Variants in DOCK8 observed in about 807,000 individuals in gnomAD.
DOCK8 encodes dedicator of cytokinesis 8.
In DOCK8, 141 loss-of-function variants were observed where a neutral mutation model predicts 245.6. The ratio of observed to expected loss-of-function variants is 0.57; its 90% CI spans 0.50 to 0.66. The LOEUF is 0.66. Among genes scored for constraint, DOCK8 ranks in the 30% least tolerant of loss-of-function variants. The pLI, the probability that DOCK8 is intolerant of heterozygous loss-of-function variation, is 0.00. For synonymous variants in DOCK8, 1,168 were observed against 970.2 expected, an observed-to-expected ratio of 1.20 and a Z score of -3.79; for missense variants, 2,965 against 2,603.4, an observed-to-expected ratio of 1.14 and a Z score of -3.02.
chr9:300,274 T>C (rs1586638151), intron 4 of DOCK8, among the ~76,000 whole-genome samples: 1 of 152,198 alleles, frequency 6.6e-6, no homozygotes, highest in African/African-American at 2.4e-5. Context: ...AGTTATAAAC[T>C]TTGTATTTGT....
chr9:351,373 C>T (rs2052159369), intron 14 of DOCK8, among the ~76,000 whole-genome samples: 2 of 152,188 alleles, frequency 1.3e-5, no homozygotes, highest in African/African-American at 4.8e-5. Context: ...CAACACAAAT[C>T]ATGGCTGGAA....
chr9:428,421 G>A lies in DOCK8; in HGVS notation c.4398G>A (p.Val1466=), dbSNP rs2056579702. 3 of 1,614,204 alleles carry A rather than the reference G, an allele frequency of 1.9e-6. No individual in the cohort carries two copies. The highest frequency in any genetic ancestry group is 1.1e-5 in the South Asian group (1 of 91,080). The change falls in exon 35 of 48, where the codon GTG becomes GTA. Residue 1466 remains valine (V), a synonymous_variant. Coordinates refer to ENST00000432829, the MANE Select transcript of DOCK8 (RefSeq NM_203447.4). ...SLLGGVLRVL[V]NSLNCDQSTT... ...TGGGAGGTGTTCTGAGGGTGCTGGT[G>A]AATTCTCTGAACTGTGATCAGAGTA...
At chr9:452,954 A>G (rs973530658) in intron 46 of DOCK8, 1 of 152,216 alleles carries the variant, frequency 6.6e-6, no homozygotes, top group Non-Finnish European at 1.5e-5. Flanking sequence ...TTCACCTATA[A>G]GAGAAAAGGA....
chr9:365,574 C>CTT (rs35000707), intron 14 of DOCK8: 45 of 424,652 alleles, frequency 1.1e-4, no homozygotes, highest in Admixed American at 3.2e-4. Context: ...TCAGAGAAGG[C>CTT]TTTTTTTTTT....
intron 18 of DOCK8, among the ~76,000 whole-genome samples, chr9:373,118 G>C (rs1048535218): frequency 1.3e-5 from 2 of 152,140 alleles, no homozygotes; most frequent in African/African-American, 4.8e-5. Flanking sequence ...AGTGAGCTGA[G>C]ATCACACCAC....
In DOCK8 at chr9:433,910, A is replaced by G. The variant is rs2056805438; in HGVS notation, c.4821A>G (p.Leu1607=). Residue 1607 remains leucine, a synonymous_variant, in exon 38 of 48, where the codon TTA becomes TTG. Transcript: ENST00000432829. ...EELLCNLNSI[L]YDTVKMREFQ... The stretch of plus-strand genomic sequence containing the variant: ...TTCTCTGTAATCTGAATAGCATCTT[A>G]TATGACACAGTGAAAATGAGGGAAT... The G allele has an allele frequency of 1.9e-6, 3 of 1,614,100 alleles. No homozygotes were observed. The highest frequency in any genetic ancestry group is 1.3e-5 in the African/African-American group (1 of 75,010).
chr9:215,339 C>T (rs761691375), intron 1 of DOCK8: 2 of 1,602,198 alleles, frequency 1.2e-6, no homozygotes, highest in African/African-American at 2.7e-5. Flanking sequence ...GTGGCCGGGT[C>T]CCAGAAGGGT....
rs753452391 is a variant in DOCK8 at position 446,365 on chromosome 9, C to T, written c.5581-5C>T. 4 of 1,612,924 alleles carry T rather than the reference C, an allele frequency of 2.5e-6. No individual in the cohort carries two copies. The highest frequency in any genetic ancestry group is 4.5e-5 in the East Asian group (2 of 44,888). Reference sequence around the variant, plus strand: ...TCTTCTCCCTCCGTGCCTTTTCCCCCTTAGGCCTACATACAGATCACTTTT... The same window carrying T: ...TCTTCTCCCTCCGTGCCTTTTCCCCTTTAGGCCTACATACAGATCACTTTT... On this transcript the variant is annotated splice_region_variant and splice_polypyrimidine_tract_variant and intron_variant, in intron 43 of 47. Transcript: ENST00000432829.
intron 9 of DOCK8, among the ~76,000 whole-genome samples, chr9:330,495 G>T (rs908747639): frequency 6.6e-6 from 1 of 152,088 alleles, no homozygotes; most frequent in Admixed American, 6.6e-5. Flanking sequence ...TTCCTATTTT[G>T]CTACATTTGC....
At position 446,579 on chromosome 9, in the gene DOCK8, C is replaced by G; in HGVS notation, c.5790C>G (p.Thr1930=). 6.2e-7 allele frequency: 1 copy of G among 1,614,204 alleles called. No homozygotes were observed. The highest frequency in any genetic ancestry group is 8.5e-7 in the Non-Finnish European group (1 of 1,180,024). The change falls in exon 44 of 48, where the codon ACC becomes ACG. Residue 1930 remains threonine, a synonymous_variant. Transcript: ENST00000432829. ...TGCACGCCTTCCCCTACATCAAGAC[C>G]AGGATCAGCGTCATCCAGAAGGAGG... ...TTMHAFPYIK[T]RISVIQKEEF... is the part of the protein sequence containing the mutation.
In DOCK8 at chr9:266,087, C is replaced by T. The variant is rs184180978; in HGVS notation, c.54-5540C>T. On this transcript the variant is annotated intron_variant, in intron 1 of 47. Transcript: ENST00000432829. ...ATCATGAAATGGTTAAAAAGTTTAA[C>T]GTGCATTGTCTTCTCCATTAGAACT... Among the ~76,000 whole-genome samples, 77 of 152,168 alleles carry T rather than the reference C, an allele frequency of 5.1e-4. 1 individual carries two copies. The highest frequency in any genetic ancestry group is 1.8e-3 in the African/African-American group (74 of 41,516).
At chr9:369,705 T>C (rs534792166) in intron 15 of DOCK8, 2 of 165,830 alleles carry the variant, frequency 1.2e-5, no homozygotes, top group African/African-American at 4.8e-5. Flanking sequence ...CTCACAAACA[T>C]GTGGCCTTTG....
chr9:233,043 A>G (rs534561809), intron 1 of DOCK8, among the ~76,000 whole-genome samples: 1 of 152,200 alleles, frequency 6.6e-6, no homozygotes, highest in African/African-American at 2.4e-5. Context: ...TAGTGCTATA[A>G]ATTTCCCTCT....
intron 26 of DOCK8, among the ~76,000 whole-genome samples, chr9:400,952 A>ACCACCACCACCATCACCT (rs1554692474): frequency 1.6e-4 from 11 of 67,438 alleles, no homozygotes; most frequent in African/African-American, 2.6e-4. Flanking sequence ...CACCATCACC[A>ACCACCACCACCATCACCT]CCACCACCAC....
chr9:219,845 A>G lies in DOCK8; in HGVS notation c.53+4816A>G, dbSNP rs946911271. On this transcript the variant is annotated intron_variant, in intron 1 of 47. Coordinates refer to ENST00000432829, the MANE Select transcript of DOCK8 (RefSeq NM_203447.4). Reference sequence around the variant, plus strand: ...CCAGGAAGTTGAAGCTGCTGTGAGCAGTGATTGCGCCACTGCACTGCAGCC... The same window carrying G: ...CCAGGAAGTTGAAGCTGCTGTGAGCGGTGATTGCGCCACTGCACTGCAGCC... 3.9e-5 allele frequency among the ~76,000 whole-genome samples: 6 copies of G among 152,282 alleles called. No individual in the cohort carries two copies. In the East Asian group the frequency reaches 1.2e-3, roughly 29 times the overall value.
At chr9:276,778 T>G (rs2048363271) in intron 2 of DOCK8, among the ~76,000 whole-genome samples, 1 of 152,216 alleles carries the variant, frequency 6.6e-6, no homozygotes, top group South Asian at 2.1e-4. Context: ...TCTGTTAAAA[T>G]GAAACTGTAA....
chr9:261,872 T>G (rs1454632845), intron 1 of DOCK8, among the ~76,000 whole-genome samples: 1 of 152,150 alleles, frequency 6.6e-6, no homozygotes, highest in Non-Finnish European at 1.5e-5. Context: ...CTTCTTAAAG[T>G]CCATTTTGTC....
intron 14 of DOCK8, among the ~76,000 whole-genome samples, chr9:350,569 GT>G (rs1563951957): frequency 2.0e-5 from 3 of 152,300 alleles, no homozygotes; most frequent in South Asian, 2.1e-4. Context: ...CAGGGGTTTG[GT>G]TTTCTGGCAG....
chr9:434,952 C>A lies in DOCK8; in HGVS notation c.5056C>A (p.Pro1686Thr). 6.2e-7 allele frequency: 1 copy of A among 1,613,094 alleles called. No homozygotes were observed. Among genetic ancestry groups the A allele is most frequent in the South Asian group, 1.1e-5 (1 of 91,032 alleles). ...LSMLEDHSYL[P>T]VGSVSFQNIS... ...CATGCTGGAGGACCACAGCTACCTG[C>A]CCGTGGGCAGTGTCAGCTTCCAGGT... The change falls in exon 39 of 48, where the codon CCC (proline) becomes ACC (threonine). Residue 1686 changes from proline (P) to threonine (T), a missense_variant. Coordinates refer to ENST00000432829, the MANE Select transcript of DOCK8 (RefSeq NM_203447.4).
Sources: gnomAD v4.1 joint callset for allele counts (sites outside exome capture counted in the v4.1 genomes callset) on GRCh38, gnomAD v4.1.1 for gene constraint, MANE v1.5 for transcripts, NCBI Gene and HGNC (gene_info 2026-07-23, HGNC 2026-07-21) for gene names.